DMD: variants seen among roughly 807,000 people sequenced by gnomAD.
DMD encodes the protein dystrophin.
A neutral mutation model predicts 330.1 loss-of-function variants in DMD; 63 were observed. That is an observed-to-expected ratio of 0.19 (90% CI 0.16 to 0.24). The LOEUF (loss-of-function observed/expected upper bound fraction) is 0.24, where lower values mean the gene tolerates loss of function less well. DMD is among the 10% of genes least tolerant of loss of function. The probability of loss-of-function intolerance (pLI) is 1.00; values close to 1 mark genes in which losing one functional copy is unlikely to be tolerated. For synonymous variants in DMD, 1,223 were observed against 959.8 expected (o/e 1.27, Z -5.07); for missense variants, 3,344 against 2,684.1 (o/e 1.25, Z -5.43).
chrX:31,497,778 C>T (rs2070019588), intron 56 of DMD, among the ~76,000 whole-genome samples: 1 of 112,172 alleles, frequency 8.9e-6, no homozygotes, highest in African/African-American at 3.2e-5. Flanking sequence ...ATCCAGAAAA[C>T]AAAGAGGAAA....
At chrX:32,544,995 G>C (rs2048835986) in intron 17 of DMD, among the ~76,000 whole-genome samples, 164 bp downstream of exon 17, 1 of 111,742 alleles carries the variant, frequency 8.9e-6, no homozygotes, top group South Asian at 3.7e-4. Flanking sequence ...GATTTCTTGT[G>C]AAAGTTTTAA....
intron 45 of DMD, among the ~76,000 whole-genome samples, chrX:31,961,771 C>CT (rs2095308227): frequency 5.2e-5 from 2 of 38,811 alleles, no homozygotes; most frequent in Admixed American, 2.8e-4. Context: ...GTTTTTTGTT[C>CT]TTTGTTTTTT....
chrX:33,175,483 C>T (rs180764524), intron 1 of DMD, among the ~76,000 whole-genome samples: 306 of 112,415 alleles, frequency 2.7e-3, no homozygotes, highest in African/African-American at 9.7e-3. Context: ...TAGTTCTTGC[C>T]TAGGGAAGGA....
intron 2 of DMD, among the ~76,000 whole-genome samples, chrX:32,922,206 A>C (rs1255036634): frequency 9.2e-6 from 1 of 108,470 alleles, no homozygotes; most frequent in Non-Finnish European, 1.9e-5. Context: ...TTCCTATTGC[A>C]TATTCTTTTG....
chrX:32,355,774 T>C (rs1479577590), intron 37 of DMD, among the ~76,000 whole-genome samples: 5 of 111,255 alleles, frequency 4.5e-5, no homozygotes, highest in Non-Finnish European at 9.5e-5. Context: ...TACTATTACC[T>C]GAAGATATTA....
intron 21 of DMD, among the ~76,000 whole-genome samples, 163 bp downstream of exon 21, chrX:32,484,756 C>T (rs1218763056): frequency 8.9e-6 from 1 of 112,296 alleles, no homozygotes; most frequent in Admixed American, 9.5e-5. Flanking sequence ...AATCTACAGA[C>T]AGCTTATCTG....
intron 1 of DMD, chrX:33,041,493 A>T: frequency 8.3e-7 from 1 of 1,206,867 alleles, no homozygotes; most frequent in Non-Finnish European, 1.1e-6. Flanking sequence ...CAAAACAACA[A>T]GAAGAAAAGA....
intron 7 of DMD, among the ~76,000 whole-genome samples, chrX:32,725,760 C>T (rs753951879): frequency 4.5e-5 from 5 of 110,855 alleles, no homozygotes; most frequent in Admixed American, 1.9e-4. Flanking sequence ...AAGAATAAAA[C>T]ATAGTATTTG....
At chrX:32,768,822 T>C (rs1326018585) in intron 7 of DMD, among the ~76,000 whole-genome samples, 2 of 111,981 alleles carry the variant, frequency 1.8e-5, no homozygotes, top group Non-Finnish European at 3.8e-5. Context: ...AACAACCATG[T>C]CCTTTCTCCA....
chrX:32,807,777 C>T (rs765267506), intron 7 of DMD, among the ~76,000 whole-genome samples: 3 of 111,292 alleles, frequency 2.7e-5, no homozygotes, highest in African/African-American at 9.8e-5. Context: ...TTAGGCACTC[C>T]TATTCTGTAA....
At chrX:33,305,248 T>G (rs1440244365) in intron 1 of DMD, among the ~76,000 whole-genome samples, 1 of 106,171 alleles carries the variant, frequency 9.4e-6, no homozygotes, top group Non-Finnish European at 1.9e-5. Flanking sequence ...TAAAAAATGA[T>G]GAGTTCATGT....
chrX:31,339,091 C>T (rs761575228), intron 61 of DMD, among the ~76,000 whole-genome samples: 2 of 110,970 alleles, frequency 1.8e-5, no homozygotes, highest in African/African-American at 6.6e-5. Context: ...TTACAATTGG[C>T]TCTCTTGAGC....
intron 1 of DMD, among the ~76,000 whole-genome samples, chrX:33,275,044 T>C (rs184297346): frequency 2.0e-3 from 224 of 111,649 alleles, no homozygotes; most frequent in African/African-American, 6.3e-3. Context: ...AGTTTATGTC[T>C]TTGTCGTGTT....
intron 30 of DMD, among the ~76,000 whole-genome samples, chrX:32,398,135 G>A (rs944850580): frequency 2.7e-5 from 3 of 109,263 alleles, no homozygotes. Context: ...TCCAAAGATA[G>A]GAAAATGCAA....
intron 60 of DMD, among the ~76,000 whole-genome samples, chrX:31,438,692 A>G (rs905041812): frequency 1.8e-5 from 2 of 111,487 alleles, no homozygotes. Flanking sequence ...ATAGGCCGAC[A>G]TTATTTGTAA....
chrX:32,766,462 TAAATA>T (rs1327730133), intron 7 of DMD, among the ~76,000 whole-genome samples: 1 of 111,818 alleles, frequency 8.9e-6, no homozygotes, highest in Non-Finnish European at 1.9e-5. Context: ...GTTACTATTT[TAAATA>T]AAATTGTTTC....
At chrX:32,467,909 T>C (rs926109625) in intron 23 of DMD, among the ~76,000 whole-genome samples, 1 of 110,091 alleles carries the variant, frequency 9.1e-6, no homozygotes, top group East Asian at 2.8e-4. Context: ...TACACCTACA[T>C]TTCTACTGCA....
rs568113163 is a variant in DMD, at chrX:31,122,015, C to A, written c.11047-85G>T. Reference sequence around the variant, plus strand: ...TCTGTTTCTTTGCCATTTGGGAAATCATTCCCCATTTCTGGGTGAAGACAA... The same window carrying A: ...TCTGTTTCTTTGCCATTTGGGAAATAATTCCCCATTTCTGGGTGAAGACAA... On this transcript the variant is annotated intron_variant, in intron 78 of 78. Transcript: ENST00000357033. 5.2e-4 allele frequency: 384 copies of A among 742,137 alleles called. 2 individuals are homozygous for A. In the South Asian group the frequency reaches 7.8e-3, roughly 15 times the overall value. 61.2% of individuals were successfully genotyped at this position (742,137 alleles called of 1,213,427 possible).
At chrX:31,966,709 T>C (rs1216232877) in intron 45 of DMD, among the ~76,000 whole-genome samples, 1 of 111,061 alleles carries the variant, frequency 9.0e-6, no homozygotes, top group African/African-American at 3.3e-5. Flanking sequence ...AGATCTAAAA[T>C]TTTAGAGCTT....
Sources: allele counts gnomAD v4.1 joint callset (sites outside exome capture counted in the v4.1 genomes callset), GRCh38; gene constraint gnomAD v4.1.1; transcripts MANE v1.5; gene names NCBI Gene and HGNC (gene_info 2026-07-23, HGNC 2026-07-21).